UBR2: variants seen among roughly 807,000 people sequenced by gnomAD.
UBR2 encodes the protein ubiquitin protein ligase E3 component n-recognin 2.
A neutral mutation model predicts 247.9 loss-of-function variants in UBR2; 92 were observed. That is an observed-to-expected ratio of 0.37 (90% CI 0.31 to 0.44). The LOEUF (loss-of-function observed/expected upper bound fraction) is 0.44. Among genes scored for constraint, UBR2 ranks in the 20% least tolerant of loss-of-function variants. UBR2 has a pLI of 1.00. For synonymous variants in UBR2, 672 were observed against 693.5 expected, an observed-to-expected ratio of 0.97 and a Z score of 0.49; for missense variants, 1,613 against 2,112.6, an observed-to-expected ratio of 0.76 and a Z score of 4.64.
At chr6:42,579,490 A>T (rs976809247) in intron 2 of UBR2, among the ~76,000 whole-genome samples, 2 of 152,146 alleles carry the variant, frequency 1.3e-5, no homozygotes, top group Non-Finnish European at 2.9e-5. Context: ...TAGTCCAGAG[A>T]TTGGAATCAA....
chr6:42,640,589 T>G (rs539994475), intron 16 of UBR2, among the ~76,000 whole-genome samples: 12 of 152,044 alleles, frequency 7.9e-5, no homozygotes, highest in Non-Finnish European at 1.6e-4. Flanking sequence ...GATGCTGCAG[T>G]CTTGAGTACA....
At chr6:42,604,318 T>A (rs1238745581) in intron 5 of UBR2, among the ~76,000 whole-genome samples, 1 of 152,172 alleles carries the variant, frequency 6.6e-6, no homozygotes, top group African/African-American at 2.4e-5. Flanking sequence ...CTTTCTTACT[T>A]AGAAGTAAGA....
At chr6:42,601,417 G>A (rs182218298) in intron 4 of UBR2, among the ~76,000 whole-genome samples, 5 of 152,256 alleles carry the variant, frequency 3.3e-5, no homozygotes, top group East Asian at 3.9e-4. Flanking sequence ...CGCTGGGCGC[G>A]GCTGCTCACA....
chr6:42,606,765 G>T, intron 7 of UBR2, 114 bp downstream of exon 7: 4 of 805,022 alleles, frequency 5.0e-6, no homozygotes, highest in Middle Eastern at 3.9e-4. Flanking sequence ...CAAAAATTAT[G>T]TTTAAAGATA....
At chr6:42,678,145 G>A (rs538162786) in intron 40 of UBR2, among the ~76,000 whole-genome samples, 76 of 152,290 alleles carry the variant, frequency 5.0e-4, no homozygotes, top group African/African-American at 1.8e-3. Flanking sequence ...GACCATCCTG[G>A]CTAACACAGC....
At chr6:42,673,760 G>T (rs769758996) in intron 36 of UBR2, 31 bp from the exon 37 acceptor site, 17 of 1,570,864 alleles carry the variant, frequency 1.1e-5, no homozygotes, top group Admixed American at 3.5e-5. Flanking sequence ...TTGCATTTTT[G>T]TTTTTTGTTA....
chr6:42,591,652 T>C (rs922536052), intron 2 of UBR2, among the ~76,000 whole-genome samples: 9 of 152,182 alleles, frequency 5.9e-5, no homozygotes, highest in Non-Finnish European at 1.3e-4. Context: ...TAGTTAAAAT[T>C]TAAGTAGAAA....
intron 26 of UBR2, among the ~76,000 whole-genome samples, chr6:42,655,976 A>T (rs1328581477): frequency 6.6e-6 from 1 of 151,720 alleles, no homozygotes; most frequent in Admixed American, 6.6e-5. Flanking sequence ...TATTGAAAAT[A>T]AAAAAAAATT....
At chr6:42,567,363 C>G (rs1790841779) in intron 1 of UBR2, among the ~76,000 whole-genome samples, 1 of 152,080 alleles carries the variant, frequency 6.6e-6, no homozygotes, top group Admixed American at 6.5e-5. Context: ...TATGACTTTC[C>G]CAACACTTCT....
intron 1 of UBR2, among the ~76,000 whole-genome samples, chr6:42,571,789 G>A: frequency 6.9e-6 from 1 of 144,148 alleles, no homozygotes; most frequent in South Asian, 2.3e-4. Flanking sequence ...CTTCATTCTT[G>A]TTTTGGTTTG....
intron 4 of UBR2, among the ~76,000 whole-genome samples, chr6:42,599,558 T>C (rs1029576099): frequency 6.6e-6 from 1 of 152,218 alleles, no homozygotes; most frequent in African/African-American, 2.4e-5. Context: ...CTTATACTGG[T>C]TTTAAAAAGC....
At chr6:42,607,042 AAGT>A (rs1337467123) in intron 7 of UBR2, among the ~76,000 whole-genome samples, 1 of 152,214 alleles carries the variant, frequency 6.6e-6, no homozygotes, top group Admixed American at 6.5e-5. Flanking sequence ...TCCTCATAGC[AAGT>A]AGTGTATCAT....
intron 1 of UBR2, among the ~76,000 whole-genome samples, chr6:42,568,686 C>T (rs1409064861): frequency 2.6e-5 from 4 of 151,632 alleles, no homozygotes; most frequent in Non-Finnish European, 4.4e-5. Flanking sequence ...GTCAAGATCG[C>T]GCCACTGCAC....
intron 43 of UBR2, 76 bp from the exon 44 acceptor site, chr6:42,684,718 G>C (rs1263477357): frequency 1.9e-6 from 2 of 1,066,830 alleles, no homozygotes; most frequent in Non-Finnish European, 2.7e-6. Flanking sequence ...AGGCAGGTAT[G>C]TGCACATGGA....
At chr6:42,608,772 G>A (rs2151932157) in intron 7 of UBR2, among the ~76,000 whole-genome samples, 1 of 151,922 alleles carries the variant, frequency 6.6e-6, no homozygotes, top group Admixed American at 6.6e-5. Context: ...TTTCTTTTTG[G>A]CAAATTTCCT....
chr6:42,576,522 C>CTTTTTTT (rs58739895), intron 2 of UBR2, among the ~76,000 whole-genome samples: 12 of 86,142 alleles, frequency 1.4e-4, no homozygotes, highest in East Asian at 3.3e-4. Flanking sequence ...GCCTTTCCCT[C>CTTTTTTT]TTTTTTTTTT....
chr6:42,574,072 G>T lies in UBR2; in HGVS notation c.338+79G>T, dbSNP rs865809882. Reference sequence around the variant, plus strand: ...TTTTCCCTGGAACTTTTGAGTTTTTGTTTAAAAATTATGAAATACCATATC... The same window carrying T: ...TTTTCCCTGGAACTTTTGAGTTTTTTTTTAAAAATTATGAAATACCATATC... On this transcript the variant is annotated intron_variant, in intron 2 of 46. Coordinates refer to ENST00000372901, the MANE Select transcript of UBR2 (RefSeq NM_001363705.2). 7.2e-6 allele frequency: 10 copies of T among 1,384,236 alleles called. No individual in the cohort carries two copies. In the African/African-American group the frequency reaches 1.5e-4, roughly 20 times the overall value. The allele number at this position is 1,384,236 out of a possible 1,614,324, so 85.7% of individuals were successfully genotyped here. A position where few individuals can be genotyped will look rare whatever the true frequency, so the allele number is the denominator to read the frequency against.
intron 34 of UBR2, 122 bp downstream of exon 34, chr6:42,666,367 A>C: frequency 1.3e-6 from 1 of 757,896 alleles, no homozygotes; most frequent in Non-Finnish European, 2.1e-6. Flanking sequence ...ACTGATCTTT[A>C]GTTGTAAGGT....
chr6:42,622,378 A>T (rs1795043995), intron 11 of UBR2, among the ~76,000 whole-genome samples: 1 of 145,758 alleles, frequency 6.9e-6, no homozygotes, highest in South Asian at 2.2e-4. Flanking sequence ...GGGGGAGGGG[A>T]GACATTGTTT....
Sources: allele counts gnomAD v4.1 joint callset (sites outside exome capture counted in the v4.1 genomes callset), GRCh38; gene constraint gnomAD v4.1.1; transcripts MANE v1.5; gene names NCBI Gene and HGNC (gene_info 2026-07-23, HGNC 2026-07-21).